UBAC2: variants seen among roughly 807,000 people sequenced by gnomAD.
The protein encoded by UBAC2 is UBA domain containing 2.
In UBAC2, 26 loss-of-function variants were observed where a neutral mutation model predicts 44.0. That is an observed-to-expected ratio of 0.59 (90% confidence interval 0.43 to 0.82). UBAC2 has a LOEUF of 0.82. Among genes scored for constraint, UBAC2 ranks in the 40% least tolerant of loss-of-function variants. UBAC2 has a pLI of 0.00. For missense variants in UBAC2, 329 were observed against 419.4 expected (o/e 0.78, Z 1.88); for synonymous variants, 155 against 154.3 (o/e 1.00, Z -0.04).
At chr13:99,367,976 A>G in intron 8 of UBAC2, 70 bp downstream of exon 8, 1 of 1,549,242 alleles carries the variant, frequency 6.5e-7, no homozygotes, top group Non-Finnish European at 8.8e-7. Flanking sequence ...TTCGATCAAC[A>G]GGACTCAAAA....
At chr13:99,251,244 T>A (rs1248838211) in intron 4 of UBAC2, among the ~76,000 whole-genome samples, 1 of 152,226 alleles carries the variant, frequency 6.6e-6, no homozygotes, top group Non-Finnish European at 1.5e-5. Context: ...GAAACTCTAG[T>A]GAAGTTGTTT....
chr13:99,364,909 A>T (rs1356658186), intron 7 of UBAC2, among the ~76,000 whole-genome samples: 1 of 152,158 alleles, frequency 6.6e-6, no homozygotes, highest in Non-Finnish European at 1.5e-5. Flanking sequence ...GCTGCTGAGA[A>T]CGTTCTAGTC....
intron 7 of UBAC2, among the ~76,000 whole-genome samples, chr13:99,344,267 C>CTCTGAGGTCTCTGTT (rs1326483635): frequency 5.3e-5 from 8 of 152,278 alleles, no homozygotes; most frequent in Middle Eastern, 6.8e-3. Context: ...CTGTGTCTGA[C>CTCTGAGGTCTCTGTT]TCTGAGGTCT....
chr13:99,273,295 AG>A (rs1274258415), intron 4 of UBAC2, among the ~76,000 whole-genome samples: 1 of 152,116 alleles, frequency 6.6e-6, no homozygotes, highest in Non-Finnish European at 1.5e-5. Context: ...TTTCCCTGAA[AG>A]GTGTTAAACC....
chr13:99,273,652 T>C (rs2043846108), intron 4 of UBAC2, among the ~76,000 whole-genome samples: 1 of 152,118 alleles, frequency 6.6e-6, no homozygotes, highest in Non-Finnish European at 1.5e-5. Flanking sequence ...TGTGACAGTT[T>C]TGATGAGGTG....
chr13:99,241,264 CAAAAAAA>C (rs35336464), intron 2 of UBAC2, among the ~76,000 whole-genome samples: 3 of 114,854 alleles, frequency 2.6e-5, no homozygotes, highest in Non-Finnish European at 5.3e-5. Context: ...GACCCTGTCT[CAAAAAAA>C]AAAAAAAAAA....
chr13:99,345,455 G>C (rs1296587098), intron 7 of UBAC2, among the ~76,000 whole-genome samples: 1 of 152,108 alleles, frequency 6.6e-6, no homozygotes, highest in Non-Finnish European at 1.5e-5. Flanking sequence ...GGCTGATGCT[G>C]TACTCTGGAT....
At chr13:99,232,603 C>T (rs187113723) in intron 1 of UBAC2, among the ~76,000 whole-genome samples, 25 of 151,764 alleles carry the variant, frequency 1.6e-4, no homozygotes, top group Admixed American at 1.3e-3. Flanking sequence ...AAGAGAGAAA[C>T]GACAGAAATG....
intron 7 of UBAC2, among the ~76,000 whole-genome samples, chr13:99,355,825 A>G (rs947987961): frequency 7.9e-5 from 12 of 152,302 alleles, no homozygotes; most frequent in African/African-American, 2.6e-4. Context: ...CCTGGAGGGC[A>G]GCGGCGGCAC....
At chr13:99,351,482 A>C in intron 7 of UBAC2, 1 of 454,926 alleles carries the variant, frequency 2.2e-6, no homozygotes, top group Admixed American at 2.4e-5. Context: ...GGCCCTTTAC[A>C]GAAAAATATT....
intron 4 of UBAC2, chr13:99,294,995 A>AT: frequency 6.6e-7 from 1 of 1,511,824 alleles, no homozygotes; most frequent in Non-Finnish European, 8.9e-7. Context: ...ATTTTGCTTT[A>AT]TAAGGGAAGT....
chr13:99,323,648 G>A (rs2138788770), intron 6 of UBAC2, among the ~76,000 whole-genome samples: 1 of 152,246 alleles, frequency 6.6e-6, no homozygotes. Flanking sequence ...CATTCACGTT[G>A]ACTCATCCAT....
chr13:99,343,319 G>T (rs1470374862), intron 7 of UBAC2, among the ~76,000 whole-genome samples: 1 of 152,146 alleles, frequency 6.6e-6, no homozygotes, highest in Non-Finnish European at 1.5e-5. Context: ...AGGATTCTAC[G>T]GACCCCCATT....
intron 2 of UBAC2, among the ~76,000 whole-genome samples, chr13:99,243,421 A>T (rs2043344309): frequency 6.6e-6 from 1 of 152,136 alleles, no homozygotes; most frequent in Non-Finnish European, 1.5e-5. Context: ...AGAAATGCAT[A>T]TTTTTGAGTT....
intron 4 of UBAC2, among the ~76,000 whole-genome samples, chr13:99,272,462 G>A (rs918386787): frequency 1.3e-5 from 2 of 152,154 alleles, no homozygotes; most frequent in South Asian, 4.1e-4. Flanking sequence ...CAGGAATGTA[G>A]GGTCATAGGA....
At chr13:99,325,013 CTG>C (rs1000626210) in intron 6 of UBAC2, among the ~76,000 whole-genome samples, 7 of 151,840 alleles carry the variant, frequency 4.6e-5, no homozygotes, top group African/African-American at 7.3e-5. Context: ...CAACACATGA[CTG>C]TAATTTGCCA....
chr13:99,226,759 G>T (rs1485072142), intron 1 of UBAC2, among the ~76,000 whole-genome samples: 1 of 152,106 alleles, frequency 6.6e-6, no homozygotes, highest in African/African-American at 2.4e-5. Context: ...TAATCATGTT[G>T]AGCATGTTTT....
At chr13:99,365,198 T>G (rs1191104757) in intron 7 of UBAC2, among the ~76,000 whole-genome samples, 19 of 152,194 alleles carry the variant, frequency 1.2e-4, no homozygotes, top group Admixed American at 9.2e-4. Flanking sequence ...TGCTCCTTCC[T>G]TTGTCTTTTC....
intron 4 of UBAC2, among the ~76,000 whole-genome samples, chr13:99,281,847 G>A (rs943074302): frequency 2.0e-5 from 3 of 152,092 alleles, no homozygotes; most frequent in African/African-American, 7.2e-5. Flanking sequence ...GGAGACTCAG[G>A]CTTTTAACAC....
Sources: gnomAD v4.1 joint callset for allele counts (sites outside exome capture counted in the v4.1 genomes callset) on GRCh38, gnomAD v4.1.1 for gene constraint, MANE v1.5 for transcripts, NCBI Gene and HGNC (gene_info 2026-07-23, HGNC 2026-07-21) for gene names.